Variants in GAP43 observed in about 807,000 individuals in gnomAD.
GAP43 encodes growth associated protein 43, also known as neuromodulin.
In GAP43, 6 loss-of-function variants were observed where a neutral mutation model predicts 18.6. The observed-to-expected ratio is 0.32, with a 90% CI of 0.18 to 0.64. The LOEUF is 0.64. Ranked by LOEUF, GAP43 falls within the 30% of genes least tolerant of loss-of-function variation. The probability of loss-of-function intolerance (pLI) is 0.78; values close to 1 mark genes in which losing one functional copy is unlikely to be tolerated. For missense variants in GAP43, 292 were observed against 295.5 expected (o/e 0.99, Z 0.09); for synonymous variants, 115 against 111.4 (o/e 1.03, Z -0.20).
intron 2 of GAP43, among the ~76,000 whole-genome samples, chr3:115,682,360 G>T (rs1439455835): frequency 1.3e-5 from 2 of 152,148 alleles, no homozygotes; most frequent in Non-Finnish European, 2.9e-5. Context: ...TCAATCAGAT[G>T]AAAGTCATTT....
At chr3:115,708,940 G>GTTTTTTTTTTTTTTTTTTTT (rs3086974) in intron 2 of GAP43, among the ~76,000 whole-genome samples, 43 of 99,778 alleles carry the variant, frequency 4.3e-4, no homozygotes, top group Non-Finnish European at 5.9e-4. Flanking sequence ...AACTGGCTGG[G>GTTTTTTTTTTTTTTTTTTTT]TTTTTTTTTT....
At chr3:115,633,900 C>T (rs1282134176) in intron 1 of GAP43, among the ~76,000 whole-genome samples, 1 of 152,154 alleles carries the variant, frequency 6.6e-6, no homozygotes, top group Admixed American at 6.6e-5. Context: ...ATTTATATTA[C>T]AGAAATGCTA....
chr3:115,713,532 C>T (rs563730482), intron 2 of GAP43, among the ~76,000 whole-genome samples: 1 of 152,236 alleles, frequency 6.6e-6, no homozygotes, highest in Admixed American at 6.5e-5. Context: ...AACCAGGCTG[C>T]CTGGCTGAGC....
intron 1 of GAP43, among the ~76,000 whole-genome samples, chr3:115,627,967 T>A: frequency 6.6e-6 from 1 of 152,182 alleles, no homozygotes; most frequent in Admixed American, 6.5e-5. Context: ...AGTTTCCTTC[T>A]GTAGAATGAA....
At chr3:115,650,189 T>C (rs1708504625) in intron 1 of GAP43, among the ~76,000 whole-genome samples, 1 of 152,120 alleles carries the variant, frequency 6.6e-6, no homozygotes, top group Non-Finnish European at 1.5e-5. Flanking sequence ...AGCTACATTG[T>C]CTCTCATCCT....
intron 1 of GAP43, among the ~76,000 whole-genome samples, chr3:115,656,551 T>A (rs1390294972): frequency 6.6e-6 from 1 of 152,184 alleles, no homozygotes; most frequent in Non-Finnish European, 1.5e-5. Context: ...AAAAGAGGAC[T>A]TTTTCTGCTA....
At chr3:115,657,945 T>C (rs954644046) in intron 1 of GAP43, among the ~76,000 whole-genome samples, 1 of 152,216 alleles carries the variant, frequency 6.6e-6, no homozygotes, top group African/African-American at 2.4e-5. Context: ...CCTGGTAACA[T>C]TTCCATGTTA....
chr3:115,671,332 A>C (rs1708812761), intron 1 of GAP43, among the ~76,000 whole-genome samples: 2 of 152,362 alleles, frequency 1.3e-5, no homozygotes, highest in Non-Finnish European at 2.9e-5. Context: ...TAATTCTTAA[A>C]TATCAATTAA....
chr3:115,627,622 A>G (rs916288346), intron 1 of GAP43, among the ~76,000 whole-genome samples: 3 of 152,172 alleles, frequency 2.0e-5, no homozygotes, highest in Non-Finnish European at 2.9e-5. Flanking sequence ...GTATTGATAA[A>G]GTAAGACAAG....
chr3:115,720,185 T>C (rs944294543), intron 2 of GAP43, among the ~76,000 whole-genome samples: 12 of 152,190 alleles, frequency 7.9e-5, no homozygotes, highest in African/African-American at 2.9e-4. Flanking sequence ...TTTGTCTTCA[T>C]GGTCACAAGG....
intron 2 of GAP43, among the ~76,000 whole-genome samples, chr3:115,694,636 G>GAACTT (rs1709161439): frequency 6.6e-6 from 1 of 152,198 alleles, no homozygotes; most frequent in Non-Finnish European, 1.5e-5. Context: ...AGAAGCAAGA[G>GAACTT]AACTTAAATG....
In GAP43 at chr3:115,676,332, A is replaced by C; in HGVS notation, c.350A>C (p.Asp117Ala). 1.2e-6 allele frequency: 2 copies of C among 1,614,160 alleles called. No individual in the cohort carries two copies. Residue 117 changes from aspartate (D) to alanine (A), a missense_variant, in exon 2 of 3, where the codon GAT becomes GCT. Coordinates refer to ENST00000305124, the MANE Select transcript of GAP43 (RefSeq NM_002045.4). ...TPSEEKKGEG[D>A]AATEQAAPQA... ...TCCGAGGAGAAGAAGGGGGAGGGTG[A>C]TGCTGCCACAGAGCAGGCAGCCCCC...
chr3:115,680,736 A>G (rs1478726159), intron 2 of GAP43, among the ~76,000 whole-genome samples: 1 of 152,248 alleles, frequency 6.6e-6, no homozygotes, highest in Admixed American at 6.5e-5. Context: ...TCAAATTATT[A>G]ACGAAAAGAA....
At position 115,710,072 on chromosome 3, in the gene GAP43, G is replaced by A. The variant is rs1413564045; in HGVS notation, c.629-10722G>A. The stretch of plus-strand genomic sequence containing the variant: ...AAAATATATATTGGCACTCCTGTGA[G>A]TTCACTGTAGCACCCACGGATTCAT... On this transcript the variant is annotated intron_variant, in intron 2 of 2. Transcript: ENST00000305124. Among the ~76,000 whole-genome samples, 8 of 152,222 alleles carry A rather than the reference G, an allele frequency of 5.3e-5. No individual in the cohort carries two copies. The South Asian group carries it at 1.7e-3, about 32-fold the overall frequency.
intron 2 of GAP43, among the ~76,000 whole-genome samples, chr3:115,692,275 C>A (rs537769896): frequency 6.6e-6 from 1 of 152,274 alleles, no homozygotes; most frequent in African/African-American, 2.4e-5. Flanking sequence ...AATGAGTTAG[C>A]ATCAGAATAG....
chr3:115,637,814 C>T (rs1251072363), intron 1 of GAP43, among the ~76,000 whole-genome samples: 1 of 152,090 alleles, frequency 6.6e-6, no homozygotes, highest in African/African-American at 2.4e-5. Context: ...GCTCCCAAAT[C>T]TCTTCCCCTT....
intron 1 of GAP43, among the ~76,000 whole-genome samples, chr3:115,658,052 T>TATG: frequency 6.6e-6 from 1 of 152,302 alleles, no homozygotes; most frequent in East Asian, 1.9e-4. Flanking sequence ...ATAAAAAAGC[T>TATG]ATGAGCATTC....
chr3:115,673,853 T>C (rs1210051122), intron 1 of GAP43, among the ~76,000 whole-genome samples: 1 of 152,228 alleles, frequency 6.6e-6, no homozygotes, highest in African/African-American at 2.4e-5. Context: ...TGTGTGTATA[T>C]ACATGCATGG....
intron 2 of GAP43, among the ~76,000 whole-genome samples, chr3:115,706,010 A>G (rs1023107295): frequency 6.6e-6 from 1 of 152,260 alleles, no homozygotes; most frequent in African/African-American, 2.4e-5. Context: ...CTGATTCCTT[A>G]TTCTTCAAAG....
Sources: gnomAD v4.1 joint callset for allele counts (sites outside exome capture counted in the v4.1 genomes callset) on GRCh38, gnomAD v4.1.1 for gene constraint, MANE v1.5 for transcripts, NCBI Gene and HGNC (gene_info 2026-07-23, HGNC 2026-07-21) for gene names.